Variants in L3MBTL4 observed in about 807,000 individuals in gnomAD.
The protein encoded by L3MBTL4 is L3MBTL histone methyl-lysine binding protein 4.
L3MBTL4 carries 70 observed loss-of-function variants against 84.5 expected under a neutral mutation model. The ratio of observed to expected loss-of-function variants is 0.83; its 90% CI spans 0.68 to 1.01. L3MBTL4 has a LOEUF of 1.01. L3MBTL4 is among the 50% of genes least tolerant of loss of function. The pLI, the probability that L3MBTL4 is intolerant of heterozygous loss-of-function variation, is 0.00. For synonymous variants in L3MBTL4, 274 were observed against 259.8 expected, an observed-to-expected ratio of 1.05 and a Z score of -0.52; for missense variants, 715 against 754.8, an observed-to-expected ratio of 0.95 and a Z score of 0.62.
rs138361085 is a variant in L3MBTL4 at position 6,082,771 on chromosome 18, C to A, written c.1374-1820G>T. Among the ~76,000 whole-genome samples, 6 of 152,066 alleles carry A rather than the reference C, an allele frequency of 3.9e-5. No homozygotes were observed. The East Asian group carries it at 7.7e-4, about 20-fold the overall frequency. On this transcript the variant is annotated intron_variant, in intron 15 of 18. Transcript: ENST00000317931. ...TGTTGGGTGCTTTTTAAAAATAATG[C>A]GGAGTTCTTCAATTGATCATGGGTA...
At chr18:6,239,068 G>A (rs897141142) in intron 9 of L3MBTL4, among the ~76,000 whole-genome samples, 5 of 152,124 alleles carry the variant, frequency 3.3e-5, no homozygotes, top group African/African-American at 9.7e-5. Context: ...GTGGCCAGGC[G>A]CGGTGGCTCA....
intron 16 of L3MBTL4, among the ~76,000 whole-genome samples, chr18:6,034,152 T>A (rs922782830): frequency 2.3e-4 from 35 of 152,284 alleles, no homozygotes; most frequent in Admixed American, 5.9e-4. Flanking sequence ...GCTTTTTTTT[T>A]TAATTATTAT....
At chr18:6,259,921 G>A (rs2048322366) in intron 5 of L3MBTL4, 2 of 152,138 alleles carry the variant, frequency 1.3e-5, no homozygotes, top group Non-Finnish European at 2.9e-5. Context: ...ATAGTTTGAG[G>A]TCTTACATTT....
intron 7 of L3MBTL4, among the ~76,000 whole-genome samples, chr18:6,242,717 G>A (rs532363612): frequency 1.1e-4 from 17 of 152,292 alleles, no homozygotes; most frequent in Admixed American, 7.2e-4. Flanking sequence ...ATATGAGCCC[G>A]TCAGCATCAT....
intron 14 of L3MBTL4, among the ~76,000 whole-genome samples, chr18:6,104,133 G>C (rs2047971084): frequency 6.6e-6 from 1 of 152,162 alleles, no homozygotes; most frequent in Non-Finnish European, 1.5e-5. Flanking sequence ...CTTCTGGTGA[G>C]GATGTAAAAT....
At chr18:6,185,802 C>T (rs1275916301) in intron 12 of L3MBTL4, among the ~76,000 whole-genome samples, 4 of 152,214 alleles carry the variant, frequency 2.6e-5, no homozygotes, top group East Asian at 1.9e-4. Context: ...GCAATTTCAA[C>T]AGGGGCTGGG....
chr18:6,011,666 G>A (rs2054746930), intron 16 of L3MBTL4, among the ~76,000 whole-genome samples: 1 of 152,088 alleles, frequency 6.6e-6, no homozygotes, highest in African/African-American at 2.4e-5. Context: ...ATACCCTTCG[G>A]TGCCTCTCCA....
chr18:6,080,949 A>T lies in L3MBTL4; in HGVS notation c.1376T>A (p.Leu459His). Residue 459 changes from leucine (L) to histidine (H), a missense_variant and splice_region_variant, in exon 16 of 19, where the codon CTT (leucine) becomes CAT (histidine). Physicochemically the swap from Leu to His is moderately conservative, Grantham distance 99. Transcript: ENST00000317931. Reference sequence around the variant, plus strand: ...TTTCAAACACTTTGCCTGCTGTACAAGTCTGGGCAAAGAACAGAAATAAAA... The same window carrying T: ...TTTCAAACACTTTGCCTGCTGTACATGTCTGGGCAAAGAACAGAAATAAAA... ...KHEKVNSQPR[L>H]VQQAKCLKIK... 6.2e-7 allele frequency: 1 copy of T among 1,600,718 alleles called. No homozygotes were observed. Among genetic ancestry groups the T allele is most frequent in the African/African-American group, 1.3e-5 (1 of 74,910 alleles).
intron 4 of L3MBTL4, among the ~76,000 whole-genome samples, chr18:6,266,662 C>T (rs887560696): frequency 6.6e-6 from 1 of 152,182 alleles, no homozygotes; most frequent in Non-Finnish European, 1.5e-5. Context: ...CAGTGGCTTA[C>T]ACCTGTAATC....
intron 16 of L3MBTL4, among the ~76,000 whole-genome samples, chr18:6,024,733 T>C (rs974939352): frequency 6.6e-6 from 1 of 152,210 alleles, no homozygotes; most frequent in African/African-American, 2.4e-5. Flanking sequence ...CAGGGATAAA[T>C]TCAGCTGCAG....
intron 12 of L3MBTL4, among the ~76,000 whole-genome samples, chr18:6,189,909 T>C (rs1568285415): frequency 1.3e-5 from 2 of 152,152 alleles, no homozygotes; most frequent in South Asian, 2.1e-4. Flanking sequence ...CTCTAACAGA[T>C]ATGCAACGAT....
intron 4 of L3MBTL4, among the ~76,000 whole-genome samples, chr18:6,285,371 C>T (rs2049523278): frequency 6.6e-6 from 1 of 152,272 alleles, no homozygotes; most frequent in East Asian, 1.9e-4. Context: ...AGAACTGTTA[C>T]TAGAATGAAT....
intron 17 of L3MBTL4, among the ~76,000 whole-genome samples, chr18:5,962,395 G>A (rs951322227): frequency 1.3e-5 from 2 of 152,202 alleles, no homozygotes; most frequent in African/African-American, 4.8e-5. Context: ...GCCAAAGGGT[G>A]GGTGTGAGCA....
chr18:5,987,018 A>G (rs910504185), intron 16 of L3MBTL4, among the ~76,000 whole-genome samples: 3 of 152,196 alleles, frequency 2.0e-5, no homozygotes, highest in Non-Finnish European at 4.4e-5. Flanking sequence ...GGTCTCTCCC[A>G]CCATCAGTGG....
At chr18:6,064,164 TGTAA>T (rs1474035722) in intron 16 of L3MBTL4, among the ~76,000 whole-genome samples, 1 of 152,116 alleles carries the variant, frequency 6.6e-6, no homozygotes, top group African/African-American at 2.4e-5. Flanking sequence ...ATTACTTGGC[TGTAA>T]GTATTTGACT....
intron 5 of L3MBTL4, chr18:6,261,052 TTC>T (rs2048377988): frequency 1.3e-5 from 2 of 152,370 alleles, no homozygotes; most frequent in East Asian, 3.9e-4. Context: ...GTGAGCTTAA[TTC>T]TCTCTGCATT....
At chr18:6,233,763 T>A (rs1457733418) in intron 10 of L3MBTL4, among the ~76,000 whole-genome samples, 2 of 152,120 alleles carry the variant, frequency 1.3e-5, no homozygotes, top group Non-Finnish European at 1.5e-5. Context: ...ACAGATTCAA[T>A]GCCATCCCCA....
At chr18:6,193,654 C>T (rs751168189) in intron 12 of L3MBTL4, among the ~76,000 whole-genome samples, 27 of 152,098 alleles carry the variant, frequency 1.8e-4, no homozygotes, top group African/African-American at 4.3e-4. Context: ...GGATAAAGGG[C>T]GAGATACAGT....
At chr18:6,299,056 T>C (rs2146800856) in intron 4 of L3MBTL4, among the ~76,000 whole-genome samples, 1 of 152,308 alleles carries the variant, frequency 6.6e-6, no homozygotes, top group East Asian at 1.9e-4. Context: ...GGCATATAGG[T>C]CTGGGATTAC....
Sources: gnomAD v4.1 joint callset for allele counts (sites outside exome capture counted in the v4.1 genomes callset) on GRCh38, gnomAD v4.1.1 for gene constraint, MANE v1.5 for transcripts, NCBI Gene and HGNC (gene_info 2026-07-23, HGNC 2026-07-21) for gene names.